The following SH3BGR variants were observed in gnomAD, a reference collection of about 807,000 sequenced individuals.
SH3BGR encodes the protein SH3 domain-binding glutamic acid-rich protein.
Under a neutral mutation model 24.5 loss-of-function variants are expected in SH3BGR, and 29 were observed. The observed-to-expected ratio is 1.18, with a 90% CI of 0.88 to 1.61. SH3BGR has a LOEUF of 1.61. SH3BGR is among the 40% of genes most tolerant of loss of function. The pLI, the probability that SH3BGR is intolerant of heterozygous loss-of-function variation, is 0.00. For missense variants in SH3BGR, 162 were observed against 205.8 expected (o/e 0.79, Z 1.30); for synonymous variants, 55 against 65.7 (o/e 0.84, Z 0.79).
upstream of SH3BGR, chr21:39,451,801 G>C (rs1053226920): frequency 7.8e-7 from 1 of 1,279,278 alleles, no homozygotes; most frequent in African/African-American, 1.5e-5. Flanking sequence ...GTTGTCGCGC[G>C]TTTAAAGTGA....
intron 3 of SH3BGR, among the ~76,000 whole-genome samples, chr21:39,485,441 A>G (rs971355105): frequency 6.6e-6 from 1 of 152,212 alleles, no homozygotes; most frequent in Non-Finnish European, 1.5e-5. Flanking sequence ...ATGTATGGAA[A>G]GCTTAAGAGA....
In SH3BGR at chr21:39,510,132, C is replaced by T. The variant is rs957942863; in HGVS notation, c.435+1105C>T. Among the ~76,000 whole-genome samples, 5 of 133,526 alleles carry T rather than the reference C, an allele frequency of 3.7e-5. 1 individual carries two copies. Among genetic ancestry groups the T allele is most frequent in the African/African-American group, 1.3e-4 (4 of 31,392 alleles). The allele number at this position is 133,526 out of a possible 152,430, so 87.6% of individuals were successfully genotyped here. A position where few individuals can be genotyped will look rare whatever the true frequency, so the allele number is the denominator to read the frequency against. On this transcript the variant is annotated intron_variant, in intron 5 of 6. Transcript: ENST00000333634. ...TAATTTTTTGTATTTTTAGTAGAGACGGGGTTTCACCGTGTTAGCCAAGAT... is the reference window on the plus strand; with the variant it reads ...TAATTTTTTGTATTTTTAGTAGAGATGGGGTTTCACCGTGTTAGCCAAGAT...
intron 4 of SH3BGR, among the ~76,000 whole-genome samples, chr21:39,508,320 T>C (rs1416747120): frequency 6.6e-6 from 1 of 152,208 alleles, no homozygotes; most frequent in Admixed American, 6.5e-5. Context: ...AAAGCTTTTG[T>C]TTTCTTCTTA....
intron 1 of SH3BGR, among the ~76,000 whole-genome samples, chr21:39,446,858 A>G (rs183621727): frequency 7.8e-4 from 118 of 152,202 alleles, no homozygotes; most frequent in African/African-American, 2.7e-3. Context: ...GTATTTTGGT[A>G]TTTGTGTAGA....
At chr21:39,480,703 C>A (rs1432040971) in intron 3 of SH3BGR, among the ~76,000 whole-genome samples, 1 of 152,174 alleles carries the variant, frequency 6.6e-6, no homozygotes, top group African/African-American at 2.4e-5. Context: ...TCTACAGTTG[C>A]TGCTTTGTAT....
At chr21:39,472,989 G>A (rs2077966578) in intron 2 of SH3BGR, among the ~76,000 whole-genome samples, 2 of 152,132 alleles carry the variant, frequency 1.3e-5, no homozygotes, top group African/African-American at 4.8e-5. Flanking sequence ...TGCCAGGTCA[G>A]CAGTGTATTT....
intron 3 of SH3BGR, among the ~76,000 whole-genome samples, chr21:39,494,250 T>TCTC (rs1555913601): frequency 1.4e-5 from 2 of 148,004 alleles, no homozygotes; most frequent in African/African-American, 4.9e-5. Context: ...TTCTTCTTCT[T>TCTC]CTTTTTTTTT....
At chr21:39,491,074 C>T (rs1239355288) in intron 3 of SH3BGR, among the ~76,000 whole-genome samples, 2 of 152,136 alleles carry the variant, frequency 1.3e-5, no homozygotes, top group South Asian at 2.1e-4. Context: ...TGTTATAAAT[C>T]AGAGTATTTA....
intron 4 of SH3BGR, among the ~76,000 whole-genome samples, chr21:39,505,457 C>T (rs550932962): frequency 6.6e-6 from 1 of 152,154 alleles, no homozygotes; most frequent in Admixed American, 6.5e-5. Flanking sequence ...AAGGTCAATT[C>T]AGATATTGAT....
chr21:39,460,462 G>A (rs551015142), intron 1 of SH3BGR, among the ~76,000 whole-genome samples: 1 of 151,778 alleles, frequency 6.6e-6, no homozygotes, highest in South Asian at 2.1e-4. Context: ...TTATTATTTT[G>A]CTTTATTTTT....
In SH3BGR at chr21:39,511,464, T is replaced by C. The variant is rs2078693551; in HGVS notation, c.436-216T>C. Reference sequence around the variant, plus strand: ...GTGTCATGTGTGTTTCCGTGGTGTGTGTGTGTTTGGGCGGTATGTGTGTGG... The same window carrying C: ...GTGTCATGTGTGTTTCCGTGGTGTGCGTGTGTTTGGGCGGTATGTGTGTGG... On this transcript the variant is annotated intron_variant, in intron 5 of 6. Transcript: ENST00000333634. This position sits in a 1 kb window ranked among gnomAD's most constrained non-coding sequence, Gnocchi z 4.2. Among the ~76,000 whole-genome samples, 1 of 149,812 alleles carries C rather than the reference T, an allele frequency of 6.7e-6. No homozygotes were observed.
rs145886952 is a variant in SH3BGR, at chr21:39,453,954, ATTAG to A, written c.45+1821_45+1824del. 8.2e-3 allele frequency among the ~76,000 whole-genome samples: 1,242 copies of A among 152,334 alleles called. 6 individuals are homozygous for A. The highest frequency in any genetic ancestry group is 0.012 in the Non-Finnish European group (841 of 68,030). ...ATTAGTTGCTACTATAATTGTTATTATTAGTTAGTTAATGAATATTAATTAGGAT... is the reference window on the plus strand; with the variant it reads ...ATTAGTTGCTACTATAATTGTTATTATTAGTTAATGAATATTAATTAGGAT... On this transcript the variant is annotated intron_variant, in intron 1 of 6. Coordinates refer to ENST00000333634, the MANE Select transcript of SH3BGR (RefSeq NM_007341.3).
chr21:39,469,653 T>C (rs1046379883), intron 2 of SH3BGR, among the ~76,000 whole-genome samples: 26 of 151,614 alleles, frequency 1.7e-4, no homozygotes, highest in African/African-American at 5.3e-4. Flanking sequence ...TTAATTTTAT[T>C]TATTATTATT....
chr21:39,486,551 A>G (rs1383080370), intron 3 of SH3BGR, among the ~76,000 whole-genome samples: 3 of 152,144 alleles, frequency 2.0e-5, no homozygotes, highest in Non-Finnish European at 2.9e-5. Flanking sequence ...ATAAAACTGT[A>G]TGAGTATATG....
intron 3 of SH3BGR, among the ~76,000 whole-genome samples, chr21:39,486,410 G>A (rs991428404): frequency 6.6e-6 from 1 of 152,104 alleles, no homozygotes; most frequent in African/African-American, 2.4e-5. Context: ...ACAACAATAA[G>A]TGGGCATAGC....
chr21:39,463,997 G>A (rs2077798649), intron 2 of SH3BGR, among the ~76,000 whole-genome samples: 1 of 152,162 alleles, frequency 6.6e-6, no homozygotes, highest in African/African-American at 2.4e-5. Context: ...GGGAGAATTC[G>A]TTCTATGCTT....
At chr21:39,501,241 C>T (rs1052320004) in intron 4 of SH3BGR, among the ~76,000 whole-genome samples, 3 of 152,170 alleles carry the variant, frequency 2.0e-5, no homozygotes, top group African/African-American at 7.2e-5. Flanking sequence ...CATTACACCC[C>T]AGCCCCTTTC....
intron 3 of SH3BGR, among the ~76,000 whole-genome samples, chr21:39,483,194 A>C (rs1297819520): frequency 6.6e-6 from 1 of 152,232 alleles, no homozygotes; most frequent in East Asian, 1.9e-4. Context: ...TTTACAGGGA[A>C]AAAAACAGAC....
chr21:39,479,241 G>GTGATGGTGGTGGTGA (rs1459674379), intron 3 of SH3BGR, among the ~76,000 whole-genome samples: 7 of 147,476 alleles, frequency 4.7e-5, no homozygotes, highest in Admixed American at 6.8e-5. Context: ...GGTGGTGGTG[G>GTGATGGTGGTGGTGA]TGGTGGTGGT....
Sources: allele counts gnomAD v4.1 joint callset (sites outside exome capture counted in the v4.1 genomes callset), GRCh38; gene constraint gnomAD v4.1.1; non-coding constraint Gnocchi (gnomAD v3.1); transcripts MANE v1.5; gene names NCBI Gene and HGNC (gene_info 2026-07-23, HGNC 2026-07-21).